Variants in SLC2A9 observed in about 807,000 individuals in gnomAD.
The protein encoded by SLC2A9 is solute carrier family 2 member 9.
A neutral mutation model predicts 50.6 loss-of-function variants in SLC2A9; 39 were observed. The observed-to-expected ratio is 0.77, with a 90% CI of 0.60 to 1.01. SLC2A9 has a LOEUF of 1.01. Among genes scored for constraint, SLC2A9 ranks in the 50% least tolerant of loss-of-function variants. SLC2A9 has a pLI of 0.00. For synonymous variants in SLC2A9, 324 were observed against 276.9 expected (o/e 1.17, Z -1.69); for missense variants, 686 against 677.6 (o/e 1.01, Z -0.14).
chr4:9,822,567 A>G (rs1244873014), downstream of SLC2A9, among the ~76,000 whole-genome samples: 2 of 152,162 alleles, frequency 1.3e-5, no homozygotes, highest in African/African-American at 2.4e-5. Context: ...TAACCTATCT[A>G]TATCATTATG....
At chr4:9,969,134 G>A (rs1404228590) in intron 5 of SLC2A9, among the ~76,000 whole-genome samples, 1 of 152,056 alleles carries the variant, frequency 6.6e-6, no homozygotes, top group Admixed American at 6.5e-5. Flanking sequence ...ATCTTGTAGA[G>A]ATATTAAATA....
At chr4:9,946,071 G>T (rs1289297455) in intron 5 of SLC2A9, among the ~76,000 whole-genome samples, 1 of 152,190 alleles carries the variant, frequency 6.6e-6, no homozygotes, top group African/African-American at 2.4e-5. Context: ...AGTCTTTGTG[G>T]TGTCGGTCCA....
At chr4:9,928,603 G>A (rs1413311151) in intron 6 of SLC2A9, among the ~76,000 whole-genome samples, 3 of 152,222 alleles carry the variant, frequency 2.0e-5, no homozygotes, top group Middle Eastern at 3.4e-3. Context: ...GCGTGGTGGC[G>A]GGTGCCTGTT....
At chr4:9,771,447 C>T (rs1716802230) in intron 1 of SLC2A9, 2 of 398,904 alleles carry the variant, frequency 5.0e-6, no homozygotes, top group Non-Finnish European at 8.9e-6. Context: ...ACTCTGCTCA[C>T]ATTCCTGTTT....
chr4:9,856,421 T>C (rs1467550541), intron 10 of SLC2A9, among the ~76,000 whole-genome samples: 2 of 152,172 alleles, frequency 1.3e-5, no homozygotes, highest in African/African-American at 2.4e-5. Flanking sequence ...TGAGATATCA[T>C]CTCACATCAG....
intron 3 of SLC2A9, among the ~76,000 whole-genome samples, chr4:9,780,448 T>C (rs1195058519): frequency 1.3e-5 from 2 of 150,964 alleles, no homozygotes; most frequent in Non-Finnish European, 3.0e-5. Flanking sequence ...GGGAAGGAGG[T>C]TGGGGGAAGG....
intron 3 of SLC2A9, among the ~76,000 whole-genome samples, chr4:9,811,201 T>C (rs563810941): frequency 4.6e-5 from 7 of 152,260 alleles, no homozygotes; most frequent in South Asian, 2.1e-4. Context: ...AGTCTGGACA[T>C]TGGGGGTGGT....
Position 9,985,751 on chromosome 4 carries a change from A to G in SLC2A9, c.453T>C (p.Ala151=), listed in dbSNP as rs916018457. 20 of 1,613,944 alleles carry G rather than the reference A, an allele frequency of 1.2e-5. No individual in the cohort carries two copies. The African/African-American group carries it at 2.7e-4, about 22-fold the overall frequency. ...GGAGCGAGCAGGCCATCAGCAATGC[A>G]GCAGAAATTGCAAACCCATTATTGG... is the stretch of plus-strand genomic sequence containing the variant. The part of the protein sequence containing the change: ...LLANNGFAIS[A]ALLMACSLQA... Residue 151 remains alanine (A), a synonymous_variant, in exon 4 of 12, where the codon GCT becomes GCC. Transcript: ENST00000264784.
At chr4:9,787,017 C>A (rs6833244) in intron 3 of SLC2A9, among the ~76,000 whole-genome samples, 3 of 152,208 alleles carry the variant, frequency 2.0e-5, no homozygotes, top group African/African-American at 7.2e-5. Flanking sequence ...AGGCTACCTG[C>A]CTGAGATTGG....
At chr4:9,820,902 A>G (rs1402398547) in intron 3 of SLC2A9, among the ~76,000 whole-genome samples, 1 of 152,220 alleles carries the variant, frequency 6.6e-6, no homozygotes, top group African/African-American at 2.4e-5. Flanking sequence ...TTGCTTTTCA[A>G]TCTGTACACC....
At chr4:9,948,280 GA>G (rs1438676021) in intron 5 of SLC2A9, among the ~76,000 whole-genome samples, 1 of 152,146 alleles carries the variant, frequency 6.6e-6, no homozygotes, top group Non-Finnish European at 1.5e-5. Context: ...GAATCACTTG[GA>G]GAGTTTTTAC....
intron 8 of SLC2A9, among the ~76,000 whole-genome samples, chr4:9,907,025 T>C (rs969310625): frequency 2.0e-5 from 3 of 152,234 alleles, no homozygotes; most frequent in Non-Finnish European, 4.4e-5. Flanking sequence ...AAATGTTCTG[T>C]CAACAAGAAG....
intron 2 of SLC2A9, among the ~76,000 whole-genome samples, chr4:9,998,505 C>A (rs1189487033): frequency 6.6e-6 from 1 of 152,146 alleles, no homozygotes; most frequent in Non-Finnish European, 1.5e-5. Flanking sequence ...ATTAAAAGAT[C>A]TGGTAAGACT....
chr4:10,033,730 C>G (rs1327571297), intron 1 of SLC2A9, among the ~76,000 whole-genome samples: 1 of 152,210 alleles, frequency 6.6e-6, no homozygotes. Flanking sequence ...ACACCTGCAG[C>G]TGCCTGGCCG....
At chr4:9,937,959 C>T (rs768091571) in intron 6 of SLC2A9, among the ~76,000 whole-genome samples, 16 of 152,226 alleles carry the variant, frequency 1.1e-4, no homozygotes, top group East Asian at 3.9e-4. Context: ...TGGGCCTGCC[C>T]GTATCTATGA....
chr4:9,931,948 CTCTCTCTCTCTCTCTATATATATATA>C (rs1266104468), intron 6 of SLC2A9, among the ~76,000 whole-genome samples: 1 of 60,712 alleles, frequency 1.6e-5, no homozygotes, highest in East Asian at 4.8e-4. Context: ...CTCTCTCTCT[CTCTCTCTCTCTCTCTATATATATATA>C]TATATATATA....
intron 1 of SLC2A9, among the ~76,000 whole-genome samples, chr4:10,036,414 A>G (rs1442550262): frequency 6.6e-6 from 1 of 152,262 alleles, no homozygotes; most frequent in Non-Finnish European, 1.5e-5. Context: ...CGCATATCAC[A>G]GAGTAAAATT....
chr4:9,981,816 G>A (rs570617331), intron 4 of SLC2A9, among the ~76,000 whole-genome samples: 1 of 152,218 alleles, frequency 6.6e-6, no homozygotes, highest in African/African-American at 2.4e-5. Context: ...AACCTGGCTG[G>A]ATTAGCAAGT....
At chr4:9,842,799 T>TTA (rs1011464331) in intron 10 of SLC2A9, among the ~76,000 whole-genome samples, 9 of 152,180 alleles carry the variant, frequency 5.9e-5, no homozygotes, top group Non-Finnish European at 1.0e-4. Context: ...CTTGTTATCT[T>TTA]ATTAGAGTCT....
Sources: allele counts gnomAD v4.1 joint callset (sites outside exome capture counted in the v4.1 genomes callset), GRCh38; gene constraint gnomAD v4.1.1; transcripts MANE v1.5; gene names NCBI Gene and HGNC (gene_info 2026-07-23, HGNC 2026-07-21).